The following SYCP2L variants were observed in gnomAD, a reference collection of about 807,000 sequenced individuals.
The protein encoded by SYCP2L is synaptonemal complex protein 2-like.
Under a neutral mutation model 125.8 loss-of-function variants are expected in SYCP2L, and 98 were observed. The observed-to-expected ratio is 0.78, with a 90% CI of 0.66 to 0.92. The LOEUF (loss-of-function observed/expected upper bound fraction) is 0.92, where lower values mean the gene tolerates loss of function less well. Among genes scored for constraint, SYCP2L ranks in the 40% least tolerant of loss-of-function variants. The pLI is 0.00. For synonymous variants in SYCP2L, 317 were observed against 325.4 expected, an observed-to-expected ratio of 0.97 and a Z score of 0.28; for missense variants, 842 against 936.4, an observed-to-expected ratio of 0.90 and a Z score of 1.32.
Position 10,956,175 on chromosome 6 carries a change from A to C in SYCP2L, c.2096A>C (p.Asn699Thr), listed in dbSNP as rs1191757110. The change falls in exon 25 of 30, where the codon AAC becomes ACC. Residue 699 changes from asparagine (N) to threonine (T), a missense_variant. Coordinates refer to ENST00000283141, the MANE Select transcript of SYCP2L (RefSeq NM_001040274.3). ...STSSLEVVPENLNGSAILPTF... is the reference protein window; with the variant it reads ...STSSLEVVPETLNGSAILPTF... ...TCATCCCTAGAAGTTGTGCCAGAGA[A>C]CTTGAACGGTTCTGCCATTCTCCCA... 6.2e-7 allele frequency: 1 copy of C among 1,614,014 alleles called. No homozygotes were observed. The highest frequency in any genetic ancestry group is 1.1e-5 in the South Asian group (1 of 91,070).
In SYCP2L at chr6:10,942,761, C is replaced by A; in HGVS notation, c.1954+15C>A. On this transcript the variant is annotated intron_variant, in intron 23 of 29. Coordinates refer to ENST00000283141, the MANE Select transcript of SYCP2L (RefSeq NM_001040274.3). ...GGAAGACAAAGGTAAGAGAATAGTA[C>A]TTTTTTTTTTTTTTTTGCAGAATAA... 7.1e-7 allele frequency: 1 copy of A among 1,408,316 alleles called. No individual in the cohort carries two copies. The highest frequency in any genetic ancestry group is 9.5e-7 in the Non-Finnish European group (1 of 1,051,514). 87.2% of individuals were successfully genotyped at this position (1,408,316 alleles called of 1,614,324 possible).
At chr6:10,970,697 G>A (rs1014243274) in intron 29 of SYCP2L, among the ~76,000 whole-genome samples, 7 of 152,152 alleles carry the variant, frequency 4.6e-5, no homozygotes, top group African/African-American at 1.7e-4. Context: ...TATGAAAGGT[G>A]AGATTCAGGA....
chr6:10,946,291 T>C (rs766770409), intron 23 of SYCP2L, among the ~76,000 whole-genome samples: 2 of 152,176 alleles, frequency 1.3e-5, no homozygotes, highest in Admixed American at 6.5e-5. Flanking sequence ...AATCATAATG[T>C]GTCATTTCTA....
chr6:10,887,179 A>G, intron 1 of SYCP2L, 44 bp downstream of exon 1: 4 of 1,611,032 alleles, frequency 2.5e-6, no homozygotes, highest in Non-Finnish European at 2.5e-6. Context: ...CCACAGTGCT[A>G]GGGCGCGCGA....
intron 23 of SYCP2L, among the ~76,000 whole-genome samples, chr6:10,944,933 T>G (rs1308805013): frequency 6.6e-6 from 1 of 152,170 alleles, no homozygotes; most frequent in African/African-American, 2.4e-5. Flanking sequence ...AGGCTGGTCT[T>G]GAACTCCTGA....
At chr6:10,938,150 G>A (rs1257101672) in intron 21 of SYCP2L, among the ~76,000 whole-genome samples, 2 of 152,130 alleles carry the variant, frequency 1.3e-5, no homozygotes. Context: ...GAACGTATAT[G>A]TAAAAACCCT....
intron 24 of SYCP2L, among the ~76,000 whole-genome samples, chr6:10,955,711 C>T (rs1781493641): frequency 6.6e-6 from 1 of 152,218 alleles, no homozygotes; most frequent in Non-Finnish European, 1.5e-5. Context: ...GCATGCAAGA[C>T]TTATGCAAGC....
intron 21 of SYCP2L, among the ~76,000 whole-genome samples, chr6:10,939,661 G>T (rs1781177679): frequency 6.6e-6 from 1 of 152,148 alleles, no homozygotes; most frequent in African/African-American, 2.4e-5. Flanking sequence ...TGGGAAAACT[G>T]GTTATCCACA....
At chr6:10,960,603 G>A (rs1441504100) in intron 26 of SYCP2L, among the ~76,000 whole-genome samples, 1 of 152,162 alleles carries the variant, frequency 6.6e-6, no homozygotes, top group Admixed American at 6.6e-5. Flanking sequence ...ATGTAGATGT[G>A]GGAAAAGAGT....
At chr6:10,906,500 C>T (rs1041153760) in intron 9 of SYCP2L, among the ~76,000 whole-genome samples, 1 of 152,096 alleles carries the variant, frequency 6.6e-6, no homozygotes, top group Admixed American at 6.6e-5. Context: ...CCTTTTTACC[C>T]TTAGAATTGT....
chr6:10,891,634 T>TATGTGTATATGA, intron 2 of SYCP2L, 53 bp downstream of exon 2: 2 of 662,558 alleles, frequency 3.0e-6, no homozygotes, highest in Non-Finnish European at 2.6e-6. Flanking sequence ...TGTGTGTGTG[T>TATGTGTATATGA]GTGTGTGTGT....
chr6:10,942,840 A>G (rs1013497968), intron 23 of SYCP2L, 94 bp downstream of exon 23: 3 of 1,157,190 alleles, frequency 2.6e-6, no homozygotes, highest in Non-Finnish European at 3.7e-6. Flanking sequence ...TTGCAGATCA[A>G]GTCACTTTGC....
In SYCP2L at chr6:10,921,710, C is replaced by CTT. The variant is rs879623432; in HGVS notation, c.1073-2774_1073-2773dup. On this transcript the variant is annotated intron_variant, in intron 14 of 29. Transcript: ENST00000283141. ...GTGTCTGTTTATGTCCTTTGACCAC[C>CTT]TTTTTTTTTTTTTGAGATGGAGTCT... Among the ~76,000 whole-genome samples the CTT allele has an allele frequency of 1.8e-4, 26 of 143,830 alleles. 1 individual carries two copies. Among genetic ancestry groups the CTT allele is most frequent in the African/African-American group, 5.8e-4 (23 of 39,552 alleles). 94.4% of individuals were successfully genotyped at this position (143,830 alleles called of 152,430 possible).
Position 10,924,636 on chromosome 6 carries a change from A to C in SYCP2L, c.1213A>C (p.Lys405Gln). The C allele has an allele frequency of 6.4e-7, 1 of 1,563,912 alleles. No homozygotes were observed. The highest frequency in any genetic ancestry group is 8.6e-7 in the Non-Finnish European group (1 of 1,163,404). The change falls in exon 15 of 30, where the codon AAA becomes CAA. Residue 405 changes from lysine (K) to glutamine (Q), a missense_variant. Physicochemically the swap from Lys to Gln is moderately conservative, Grantham distance 53. Coordinates refer to ENST00000283141, the MANE Select transcript of SYCP2L (RefSeq NM_001040274.3). Reference sequence around the variant, plus strand: ...TTCCATTCAAGCTTTAGGAGAAGACAAACAGGTGGCAGGTTTCATTCTTTT... The same window carrying C: ...TTCCATTCAAGCTTTAGGAGAAGACCAACAGGTGGCAGGTTTCATTCTTTT... Reference protein sequence around the residue: ...QVSIQALGEDKQMLPDQTKIS... With the variant: ...QVSIQALGEDQQMLPDQTKIS...
intron 2 of SYCP2L, among the ~76,000 whole-genome samples, chr6:10,892,467 T>C (rs1433602991): frequency 1.3e-5 from 2 of 152,152 alleles, no homozygotes; most frequent in African/African-American, 4.8e-5. Context: ...ACCTGGCTAG[T>C]TTTTCATTTT....
intron 29 of SYCP2L, among the ~76,000 whole-genome samples, chr6:10,971,873 G>A (rs370828330): frequency 1.3e-5 from 2 of 151,986 alleles, no homozygotes; most frequent in Non-Finnish European, 2.9e-5. Flanking sequence ...AGAGTGTGTC[G>A]CCATGTTGGC....
In SYCP2L at chr6:10,908,051, G is replaced by C. The variant is rs180761601; in HGVS notation, c.819+367G>C. On this transcript the variant is annotated intron_variant, in intron 10 of 29. Transcript: ENST00000283141. ...TTATAGGCACCTGCCACCACACCTG[G>C]CTAATTTTTTATTTTTAGTAGAGAC... 1.4e-4 allele frequency among the ~76,000 whole-genome samples: 21 copies of C among 151,916 alleles called. No homozygotes were observed. In the East Asian group the frequency reaches 3.7e-3, roughly 27 times the overall value.
At chr6:10,888,821 C>T (rs898609951) in intron 1 of SYCP2L, among the ~76,000 whole-genome samples, 3 of 152,120 alleles carry the variant, frequency 2.0e-5, no homozygotes, top group Non-Finnish European at 1.5e-5. Flanking sequence ...ATTATAGATA[C>T]GTAGCATAGT....
chr6:10,972,243 A>G (rs557284212), intron 29 of SYCP2L, among the ~76,000 whole-genome samples: 3 of 152,292 alleles, frequency 2.0e-5, no homozygotes, highest in African/African-American at 7.2e-5. Flanking sequence ...TTTTCTTTTG[A>G]GGAAATAGCA....
Sources: gnomAD v4.1 joint callset for allele counts (sites outside exome capture counted in the v4.1 genomes callset) on GRCh38, gnomAD v4.1.1 for gene constraint, MANE v1.5 for transcripts, NCBI Gene and HGNC (gene_info 2026-07-23, HGNC 2026-07-21) for gene names.